Variants in KDM4C observed in about 807,000 individuals in gnomAD.
KDM4C encodes lysine demethylase 4C, also known as lysine-specific demethylase 4C.
Under a neutral mutation model 129.3 loss-of-function variants are expected in KDM4C, and 81 were observed. That is an observed-to-expected ratio of 0.63 (90% CI 0.52 to 0.75). The LOEUF (loss-of-function observed/expected upper bound fraction) is 0.75. Ranked by LOEUF, KDM4C falls within the 30% of genes least tolerant of loss-of-function variation. The pLI is 0.00. For missense variants in KDM4C, 1,457 were observed against 1,304.0 expected (o/e 1.12, Z -1.81); for synonymous variants, 573 against 456.1 (o/e 1.26, Z -3.26).
intron 20 of KDM4C, among the ~76,000 whole-genome samples, chr9:7,168,560 C>T (rs914768264): frequency 6.6e-6 from 1 of 152,090 alleles, no homozygotes; most frequent in Non-Finnish European, 1.5e-5. Flanking sequence ...AAATTATTTG[C>T]TTCCATTTGG....
chr9:6,800,823 T>C (rs1828806524), intron 2 of KDM4C, among the ~76,000 whole-genome samples: 2 of 152,114 alleles, frequency 1.3e-5, no homozygotes, highest in African/African-American at 4.8e-5. Context: ...AGCTGAGCTT[T>C]CGCCATGTTG....
At chr9:6,946,631 C>T (rs146342186) in intron 8 of KDM4C, among the ~76,000 whole-genome samples, 386 of 151,926 alleles carry the variant, frequency 2.5e-3, no homozygotes, top group African/African-American at 9.0e-3. Flanking sequence ...TGTTTATGTG[C>T]GTGTGTTTAT....
chr9:6,807,618 C>T (rs543342178), intron 3 of KDM4C, among the ~76,000 whole-genome samples: 1 of 150,720 alleles, frequency 6.6e-6, no homozygotes, highest in East Asian at 2.0e-4. Context: ...GCCGCCCCGT[C>T]TGAGAAGTGA....
intron 3 of KDM4C, among the ~76,000 whole-genome samples, chr9:6,810,308 A>G (rs997857030): frequency 1.3e-5 from 2 of 152,218 alleles, no homozygotes; most frequent in Non-Finnish European, 2.9e-5. Context: ...TTTGTGTATC[A>G]CTGTGTACAC....
At chr9:7,108,853 T>C (rs1443471873) in intron 18 of KDM4C, among the ~76,000 whole-genome samples, 1 of 152,232 alleles carries the variant, frequency 6.6e-6, no homozygotes, top group Non-Finnish European at 1.5e-5. Flanking sequence ...CTGTATTGTA[T>C]TGTATAGCAT....
intron 21 of KDM4C, among the ~76,000 whole-genome samples, chr9:7,171,273 G>T (rs1844932944): frequency 6.6e-6 from 1 of 152,082 alleles, no homozygotes; most frequent in Non-Finnish European, 1.5e-5. Flanking sequence ...ACTAGATAAT[G>T]ACAGCAAGCA....
chr9:7,124,082 C>A (rs1458961355), intron 18 of KDM4C, among the ~76,000 whole-genome samples: 1 of 152,138 alleles, frequency 6.6e-6, no homozygotes, highest in South Asian at 2.1e-4. Context: ...TTTCATAGCA[C>A]CCCTTTGATT....
chr9:6,994,751 A>G (rs774830092), intron 12 of KDM4C, among the ~76,000 whole-genome samples: 9 of 152,236 alleles, frequency 5.9e-5, no homozygotes, highest in Non-Finnish European at 1.2e-4. Flanking sequence ...TAGTCTCCCT[A>G]TATATGTGTA....
chr9:6,967,264 A>G (rs1417579194), intron 8 of KDM4C, among the ~76,000 whole-genome samples: 2 of 151,812 alleles, frequency 1.3e-5, no homozygotes, highest in Middle Eastern at 3.2e-3. Flanking sequence ...TCTCTATTAA[A>G]AATACAAATA....
chr9:7,062,712 T>C (rs1362946746), intron 17 of KDM4C, among the ~76,000 whole-genome samples: 2 of 152,102 alleles, frequency 1.3e-5, no homozygotes, highest in Non-Finnish European at 2.9e-5. Flanking sequence ...CCATTTGAAC[T>C]TACAGAATTA....
chr9:6,908,101 T>C (rs573687359), intron 8 of KDM4C, among the ~76,000 whole-genome samples: 15 of 152,300 alleles, frequency 9.8e-5, no homozygotes, highest in African/African-American at 3.4e-4. Flanking sequence ...ATGTTTTATA[T>C]TGAAGAGAAG....
At position 6,927,211 on chromosome 9, in the gene KDM4C, C is replaced by T. The variant is rs1221008479; in HGVS notation, c.921+33979C>T. ...GTGGCATGGTCTTGGCTCACTGCAACCTCCTCTTCCCAGGCTCAAGTGATT... is the reference window on the plus strand; with the variant it reads ...GTGGCATGGTCTTGGCTCACTGCAATCTCCTCTTCCCAGGCTCAAGTGATT... On this transcript the variant is annotated intron_variant, in intron 8 of 21. Transcript: ENST00000381309. Among the ~76,000 whole-genome samples the T allele has an allele frequency of 2.6e-5, 4 of 152,066 alleles. No homozygotes were observed. In the East Asian group the frequency reaches 7.7e-4, roughly 29 times the overall value.
intron 18 of KDM4C, among the ~76,000 whole-genome samples, chr9:7,110,226 T>A (rs1838163584): frequency 6.6e-6 from 1 of 152,228 alleles, no homozygotes; most frequent in South Asian, 2.1e-4. Flanking sequence ...AGAGCCCTGG[T>A]TCTTTTTTAT....
intron 8 of KDM4C, among the ~76,000 whole-genome samples, chr9:6,940,328 A>G (rs1376375401): frequency 6.6e-6 from 1 of 152,108 alleles, no homozygotes; most frequent in Non-Finnish European, 1.5e-5. Flanking sequence ...GGTGTGAGCC[A>G]CTGTGCCTAG....
intron 19 of KDM4C, among the ~76,000 whole-genome samples, chr9:7,130,963 C>G (rs7035101): frequency 0.54 from 80,475 of 149,042 alleles, 22,021 homozygotes; most frequent in Middle Eastern, 0.64. Flanking sequence ...GAGATGGTGT[C>G]GAACTGCGTT....
chr9:7,009,614 A>G (rs923387143), intron 12 of KDM4C, among the ~76,000 whole-genome samples: 5 of 152,132 alleles, frequency 3.3e-5, no homozygotes, highest in Non-Finnish European at 7.4e-5. Flanking sequence ...GACACCAACA[A>G]TTTTACTCTC....
intron 4 of KDM4C, among the ~76,000 whole-genome samples, chr9:6,821,892 C>T (rs1237351358): frequency 1.3e-5 from 2 of 152,180 alleles, no homozygotes; most frequent in South Asian, 2.1e-4. Context: ...GTCTTGGCCT[C>T]CCAAAGTGCT....
intron 1 of KDM4C, among the ~76,000 whole-genome samples, chr9:6,766,432 A>C (rs977218133): frequency 1.3e-5 from 2 of 151,952 alleles, no homozygotes; most frequent in Non-Finnish European, 2.9e-5. Context: ...TGAAATTAGA[A>C]ATGTCAGACT....
At chr9:7,010,907 G>C (rs993867872) in intron 12 of KDM4C, among the ~76,000 whole-genome samples, 22 of 152,214 alleles carry the variant, frequency 1.4e-4, no homozygotes, top group African/African-American at 5.3e-4. Flanking sequence ...CGCTAGGCAT[G>C]GTGGTGGGTG....
Sources: allele counts gnomAD v4.1 joint callset (sites outside exome capture counted in the v4.1 genomes callset), GRCh38; gene constraint gnomAD v4.1.1; transcripts MANE v1.5; gene names NCBI Gene and HGNC (gene_info 2026-07-23, HGNC 2026-07-21).